PCDHA1: variants seen among roughly 807,000 people sequenced by gnomAD.
PCDHA1 encodes the protein protocadherin alpha-1.
PCDHA1 carries 42 observed loss-of-function variants against 61.3 expected under a neutral mutation model. That is an observed-to-expected ratio of 0.69 (90% CI 0.54 to 0.89). PCDHA1 has a LOEUF of 0.89. Ranked by LOEUF, PCDHA1 falls within the 40% of genes least tolerant of loss-of-function variation. PCDHA1 has a pLI of 0.00. For synonymous variants in PCDHA1, 610 were observed against 553.8 expected, an observed-to-expected ratio of 1.10 and a Z score of -1.43; for missense variants, 1,256 against 1,235.3, an observed-to-expected ratio of 1.02 and a Z score of -0.25.
In PCDHA1 at chr5:140,788,035, C is replaced by T. The variant is rs782763112; in HGVS notation, c.1745C>T (p.Pro582Leu). Residue 582 changes from proline (P) to leucine (L), a missense_variant, in exon 1 of 4, where the codon CCG becomes CTG. Pro to Leu is a moderately conservative substitution (Grantham distance 98). Transcript: ENST00000504120. Reference protein sequence around the residue: ...GTIGAVSELVPRLVGAGHVVA... With the variant: ...GTIGAVSELVLRLVGAGHVVA... ...ATTGGTGCAGTCAGTGAGCTGGTGCCGCGATTGGTGGGTGCGGGTCATGTG... is the reference window on the plus strand; with the variant it reads ...ATTGGTGCAGTCAGTGAGCTGGTGCTGCGATTGGTGGGTGCGGGTCATGTG... 1.2e-6 allele frequency: 2 copies of T among 1,613,998 alleles called. No homozygotes were observed. Among genetic ancestry groups the T allele is most frequent in the Non-Finnish European group, 1.7e-6 (2 of 1,179,896 alleles).
At chr5:140,908,234 C>T (rs1262299431) in intron 1 of PCDHA1, among the ~76,000 whole-genome samples, 5 of 152,184 alleles carry the variant, frequency 3.3e-5, no homozygotes, top group Non-Finnish European at 7.3e-5. Context: ...CCTTAGTCTT[C>T]TCTTCCTCAT....
chr5:140,857,081 A>G, intron 1 of PCDHA1: 1 of 1,597,048 alleles, frequency 6.3e-7, no homozygotes, highest in African/African-American at 1.3e-5. Context: ...TGAAAATGAT[A>G]ATTCACCTGA....
intron 1 of PCDHA1, among the ~76,000 whole-genome samples, chr5:140,844,747 T>A (rs1779528592): frequency 6.7e-6 from 1 of 149,678 alleles, no homozygotes; most frequent in South Asian, 2.1e-4. Context: ...TATTATGGGA[T>A]AAATCTTTGA....
Position 140,850,693 on chromosome 5 carries a change from C to G in PCDHA1, c.2394+62009C>G, listed in dbSNP as rs138234390. On this transcript the variant is annotated intron_variant, in intron 1 of 3. Coordinates refer to ENST00000504120, the MANE Select transcript of PCDHA1 (RefSeq NM_018900.4). ...GCGATGCCCACCGAGGGCGAGTGCG[C>G]GCCTGGCAAGCCGACGCTGGTGTGT... 2.8e-3 allele frequency: 4,547 copies of G among 1,598,322 alleles called. 355 individuals carry two copies. In the South Asian group the frequency reaches 0.039, roughly 14 times the overall value.
chr5:140,928,459 T>C (rs2085267166), intron 1 of PCDHA1: 1 of 1,614,106 alleles, frequency 6.2e-7, no homozygotes, highest in Non-Finnish European at 8.5e-7. Flanking sequence ...GGGGTTTCAT[T>C]TCCAAGTAGA....
chr5:140,883,575 G>C (rs782472492), intron 1 of PCDHA1: 87 of 1,613,954 alleles, frequency 5.4e-5, no homozygotes, highest in Non-Finnish European at 7.4e-5. Context: ...CCTTCGCTGT[G>C]GGCCACGGCC....
chr5:140,823,795 G>A, intron 1 of PCDHA1: 2 of 1,613,812 alleles, frequency 1.2e-6, no homozygotes, highest in Non-Finnish European at 1.7e-6. Flanking sequence ...AAGTGGCCAG[G>A]CGCCGAAGGC....
intron 1 of PCDHA1, chr5:140,856,750 C>G (rs1554149043): frequency 6.3e-7 from 1 of 1,596,268 alleles, no homozygotes; most frequent in African/African-American, 1.3e-5. Context: ...TGTTAGATGC[C>G]AATGATAACG....
chr5:140,894,574 T>C (rs997238240), intron 1 of PCDHA1, among the ~76,000 whole-genome samples: 2 of 152,002 alleles, frequency 1.3e-5, no homozygotes, highest in African/African-American at 2.4e-5. Context: ...TTTTCCTTTT[T>C]TTTAATATTT....
At chr5:140,831,927 A>G (rs1415813299) in intron 1 of PCDHA1, among the ~76,000 whole-genome samples, 1 of 152,160 alleles carries the variant, frequency 6.6e-6, no homozygotes, top group African/African-American at 2.4e-5. Context: ...ATTTGCTACT[A>G]GTTTTCCGAA....
chr5:140,827,596 T>C (rs2150148363), intron 1 of PCDHA1, among the ~76,000 whole-genome samples: 13 of 152,200 alleles, frequency 8.5e-5, no homozygotes, highest in Non-Finnish European at 1.6e-4. Context: ...GAAAGACAGA[T>C]GTGGGCAAGT....
chr5:140,975,216 G>C (rs1349439819), intron 1 of PCDHA1, among the ~76,000 whole-genome samples: 1 of 152,198 alleles, frequency 6.6e-6, no homozygotes, highest in Admixed American at 6.5e-5. Flanking sequence ...TGGCACTGGA[G>C]AATCTTCCCT....
intron 1 of PCDHA1, chr5:140,862,524 C>T: frequency 4.8e-6 from 2 of 417,532 alleles, no homozygotes; most frequent in Middle Eastern, 9.1e-4. Context: ...TTGTTGGCCA[C>T]AGCCATCGGG....
intron 1 of PCDHA1, among the ~76,000 whole-genome samples, chr5:140,916,214 C>A (rs1294292456): frequency 6.6e-6 from 1 of 152,266 alleles, no homozygotes; most frequent in African/African-American, 2.4e-5. Flanking sequence ...TGGGGAAGAT[C>A]CAAATATGCT....
chr5:140,862,949 C>G lies in PCDHA1; in HGVS notation c.2394+74265C>G, dbSNP rs541015740. The G allele has an allele frequency of 9.9e-5, 54 of 542,878 alleles. 1 individual carries two copies. The highest frequency in any genetic ancestry group is 8.3e-4 in the African/African-American group (44 of 52,750). 33.6% of individuals were successfully genotyped at this position (542,878 alleles called of 1,614,324 possible). A position where few individuals can be genotyped will look rare whatever the true frequency, so the allele number is the denominator to read the frequency against. ...TGGCGGCGCTGTGAGTGAGCTGGTG[C>G]GGTATTCAGTGGATGCAGGCCACTT... On this transcript the variant is annotated intron_variant, in intron 1 of 3. Coordinates refer to ENST00000504120, the MANE Select transcript of PCDHA1 (RefSeq NM_018900.4).
chr5:140,850,871 C>T (rs2041861877), intron 1 of PCDHA1: 1 of 1,591,984 alleles, frequency 6.3e-7, no homozygotes, highest in Admixed American at 1.7e-5. Flanking sequence ...CCTCTGCTTC[C>T]TCAGATTCAA....
At chr5:140,822,546 G>T (rs1474928230) in intron 1 of PCDHA1, 1 of 1,613,608 alleles carries the variant, frequency 6.2e-7, no homozygotes, top group Non-Finnish European at 8.5e-7. Context: ...CACCAAGTGG[G>T]ACATTAGTTA....
chr5:140,795,178 G>C (rs200571163), intron 1 of PCDHA1: 7 of 1,613,966 alleles, frequency 4.3e-6, no homozygotes, highest in African/African-American at 2.7e-5. Flanking sequence ...CAAAAGACAC[G>C]GGGACCTTCT....
chr5:140,882,104 A>C, intron 1 of PCDHA1: 2 of 1,343,832 alleles, frequency 1.5e-6, no homozygotes. Context: ...CGTTTCCGCG[A>C]AGAAAGCCGC....
Sources: gnomAD v4.1 joint callset for allele counts (sites outside exome capture counted in the v4.1 genomes callset) on GRCh38, gnomAD v4.1.1 for gene constraint, MANE v1.5 for transcripts, NCBI Gene and HGNC (gene_info 2026-07-23, HGNC 2026-07-21) for gene names.